Variants in RAD51B observed in about 807,000 individuals in gnomAD.
RAD51B encodes the protein RAD51 paralog B.
A neutral mutation model predicts 42.2 loss-of-function variants in RAD51B; 38 were observed. The observed-to-expected ratio is 0.90, with a 90% CI of 0.70 to 1.18. The LOEUF (loss-of-function observed/expected upper bound fraction) is 1.18, where lower values mean the gene tolerates loss of function less well. Among genes scored for constraint, RAD51B ranks in the 50% most tolerant of loss-of-function variants. The pLI is 0.00. For missense variants in RAD51B, 373 were observed against 400.7 expected, an observed-to-expected ratio of 0.93 and a Z score of 0.59; for synonymous variants, 154 against 145.2, an observed-to-expected ratio of 1.06 and a Z score of -0.43.
intron 7 of RAD51B, among the ~76,000 whole-genome samples, chr14:67,889,151 C>A (rs1485348808): frequency 1.3e-5 from 2 of 151,896 alleles, no homozygotes; most frequent in Non-Finnish European, 2.9e-5. Flanking sequence ...GAAATAAATG[C>A]AGATTATACT....
At chr14:67,993,203 C>G (rs1246204094) in intron 7 of RAD51B, among the ~76,000 whole-genome samples, 1 of 151,922 alleles carries the variant, frequency 6.6e-6, no homozygotes, top group African/African-American at 2.4e-5. Context: ...TATGGATACC[C>G]CATCTTTTAG....
chr14:68,581,798 ACC>A (rs1890219999), intron 10 of RAD51B, among the ~76,000 whole-genome samples: 1 of 152,246 alleles, frequency 6.6e-6, no homozygotes, highest in Non-Finnish European at 1.5e-5. Flanking sequence ...TGGTACTAGT[ACC>A]AAAACAGATA....
intron 3 of RAD51B, among the ~76,000 whole-genome samples, chr14:67,826,810 G>A (rs2040851330): frequency 6.6e-6 from 1 of 151,902 alleles, no homozygotes; most frequent in Non-Finnish European, 1.5e-5. Context: ...AGCCTCCCGA[G>A]TGGCTGGGAC....
At chr14:68,293,925 T>C (rs1400107006) in intron 8 of RAD51B, among the ~76,000 whole-genome samples, 1 of 152,198 alleles carries the variant, frequency 6.6e-6, no homozygotes, top group African/African-American at 2.4e-5. Flanking sequence ...GCTGAATGAA[T>C]ATCACAGTAA....
At chr14:68,233,620 A>G (rs1414517404) in intron 7 of RAD51B, among the ~76,000 whole-genome samples, 1 of 152,220 alleles carries the variant, frequency 6.6e-6, no homozygotes, top group Non-Finnish European at 1.5e-5. Flanking sequence ...GTGCTTAGTG[A>G]TTGGCATAAG....
At chr14:68,635,671 A>C (rs1892326448) in intron 10 of RAD51B, among the ~76,000 whole-genome samples, 1 of 152,206 alleles carries the variant, frequency 6.6e-6, no homozygotes, top group Admixed American at 6.5e-5. Context: ...CTTTGTACTT[A>C]GTCTTCAATA....
At chr14:67,970,780 A>C (rs2074881868) in intron 7 of RAD51B, among the ~76,000 whole-genome samples, 1 of 152,062 alleles carries the variant, frequency 6.6e-6, no homozygotes, top group African/African-American at 2.4e-5. Flanking sequence ...AACAGCAGTA[A>C]TTTTTTCTCT....
chr14:68,072,453 A>C (rs143844818), intron 7 of RAD51B, among the ~76,000 whole-genome samples: 18 of 151,994 alleles, frequency 1.2e-4, no homozygotes, highest in African/African-American at 4.4e-4. Context: ...AAAGATGTAG[A>C]CTGGGAGGCT....
At chr14:68,398,110 C>T (rs1336950048) in intron 8 of RAD51B, among the ~76,000 whole-genome samples, 5 of 152,266 alleles carry the variant, frequency 3.3e-5, no homozygotes, top group Non-Finnish European at 5.9e-5. Context: ...ATGACGTGCT[C>T]TCCAGTGCCA....
At chr14:68,500,855 A>C (rs1884868594) in intron 10 of RAD51B, among the ~76,000 whole-genome samples, 1 of 151,744 alleles carries the variant, frequency 6.6e-6, no homozygotes, top group African/African-American at 2.4e-5. Context: ...TCCCCACACA[A>C]CTCCCTCTCC....
Position 68,124,138 on chromosome 14 carries a change from A to G in RAD51B, c.757-167746A>G, listed in dbSNP as rs569287893. On this transcript the variant is annotated intron_variant, in intron 7 of 10. Transcript: ENST00000471583. ...TTTTGTAATGGTGGCACATTGTATAATAAGCACATATGAAGATTGGAGCTA... is the reference window on the plus strand; with the variant it reads ...TTTTGTAATGGTGGCACATTGTATAGTAAGCACATATGAAGATTGGAGCTA... Among the ~76,000 whole-genome samples, 20 of 152,340 alleles carry G rather than the reference A, an allele frequency of 1.3e-4. 1 individual carries two copies. In the South Asian group the frequency reaches 3.9e-3, roughly 30 times the overall value.
intron 7 of RAD51B, among the ~76,000 whole-genome samples, chr14:68,038,421 A>G (rs1310675492): frequency 6.6e-6 from 1 of 152,010 alleles, no homozygotes; most frequent in African/African-American, 2.4e-5. Flanking sequence ...TTCTTACTCA[A>G]ATGAATATCT....
rs1427869247 is a variant in RAD51B, at chr14:68,345,750, C to T, written c.853+53770C>T. Among the ~76,000 whole-genome samples the T allele has an allele frequency of 2.0e-5, 3 of 152,198 alleles. No homozygotes were observed. In the South Asian group the frequency reaches 6.2e-4, roughly 32 times the overall value. ...CTCAGCTCACTGCAACCTCCACCTCCTGGGTTCAAGAGCGACTCTCATGCT... is the reference window on the plus strand; with the variant it reads ...CTCAGCTCACTGCAACCTCCACCTCTTGGGTTCAAGAGCGACTCTCATGCT... On this transcript the variant is annotated intron_variant, in intron 8 of 10. Coordinates refer to ENST00000471583, the MANE Select transcript of RAD51B (RefSeq NM_133510.4).
intron 10 of RAD51B, among the ~76,000 whole-genome samples, chr14:68,560,924 C>G (rs1435057585): frequency 3.3e-5 from 5 of 152,160 alleles, no homozygotes; most frequent in African/African-American, 1.2e-4. Context: ...GATCATCCGG[C>G]AGGGAACAGA....
chr14:67,997,964 T>C (rs2075414728), intron 7 of RAD51B, among the ~76,000 whole-genome samples: 1 of 152,206 alleles, frequency 6.6e-6, no homozygotes, highest in African/African-American at 2.4e-5. Flanking sequence ...AATGTTGAGC[T>C]TTCTTCTAGG....
intron 10 of RAD51B, among the ~76,000 whole-genome samples, chr14:68,484,121 G>A (rs949946451): frequency 2.0e-5 from 3 of 152,122 alleles, no homozygotes; most frequent in South Asian, 2.1e-4. Context: ...TAGACTTCGC[G>A]TACCCTGAGG....
rs2079791509 is a variant in RAD51B, at chr14:68,215,321, A to C, written c.757-76563A>C. 1.3e-5 allele frequency among the ~76,000 whole-genome samples: 2 copies of C among 152,112 alleles called. 1 individual carries two copies. Among genetic ancestry groups the C allele is most frequent in the South Asian group, 4.1e-4 (2 of 4,824 alleles). ...GTTTTTCTCTTTTCTCTTTTACCACAATAATCATCACAAATAATCCTGTTT... is the reference window on the plus strand; with the variant it reads ...GTTTTTCTCTTTTCTCTTTTACCACCATAATCATCACAAATAATCCTGTTT... On this transcript the variant is annotated intron_variant, in intron 7 of 10. Coordinates refer to ENST00000471583, the MANE Select transcript of RAD51B (RefSeq NM_133510.4).
At chr14:68,662,842 G>A (rs1047399460) in intron 11 of RAD51B, among the ~76,000 whole-genome samples, 3 of 152,330 alleles carry the variant, frequency 2.0e-5, no homozygotes, top group South Asian at 2.1e-4. Context: ...ACAGCTGTAC[G>A]TGTTAATTCA....
At chr14:68,248,167 T>C (rs370616492) in intron 7 of RAD51B, among the ~76,000 whole-genome samples, 1 of 152,348 alleles carries the variant, frequency 6.6e-6, no homozygotes, top group Admixed American at 6.5e-5. Context: ...AATAATACTT[T>C]AAAAAGCAAT....
Sources: allele counts gnomAD v4.1 joint callset (sites outside exome capture counted in the v4.1 genomes callset), GRCh38; gene constraint gnomAD v4.1.1; transcripts MANE v1.5; gene names NCBI Gene and HGNC (gene_info 2026-07-23, HGNC 2026-07-21).